The following DPY19L1 variants were observed in gnomAD, a reference collection of about 807,000 sequenced individuals.
DPY19L1 encodes the protein dpy-19 like C-mannosyltransferase 1, also known as protein C-mannosyl-transferase DPY19L1.
A neutral mutation model predicts 96.9 loss-of-function variants in DPY19L1; 35 were observed. The ratio of observed to expected loss-of-function variants is 0.36; its 90% CI spans 0.28 to 0.48. The LOEUF (loss-of-function observed/expected upper bound fraction) is 0.48, where lower values mean the gene tolerates loss of function less well. Among genes scored for constraint, DPY19L1 ranks in the 20% least tolerant of loss-of-function variants. DPY19L1 has a pLI of 0.99. For missense variants in DPY19L1, 521 were observed against 777.9 expected, an observed-to-expected ratio of 0.67 and a Z score of 3.93; for synonymous variants, 205 against 252.6, an observed-to-expected ratio of 0.81 and a Z score of 1.79.
intron 13 of DPY19L1, among the ~76,000 whole-genome samples, chr7:34,953,121 T>C (rs747322588): frequency 6.6e-6 from 1 of 152,076 alleles, no homozygotes; most frequent in Non-Finnish European, 1.5e-5. Context: ...AGAGGCACTA[T>C]CAGTAAAAGT....
chr7:34,958,118 A>C (rs760389798), intron 10 of DPY19L1, 48 bp from the exon 11 acceptor site: 4 of 1,340,960 alleles, frequency 3.0e-6, no homozygotes, highest in Non-Finnish European at 3.0e-6. Flanking sequence ...TAAAACAAAA[A>C]ACCTTTGTTT....
rs1301040464 is a variant in DPY19L1 at position 34,995,914 on chromosome 7, G to A, written c.765-5973C>T. ...AACCTTCCCCTATACTCATGGCGGCGGTGGGGGGGGCGGTGGGGGGGATTC... is the reference window on the plus strand; with the variant it reads ...AACCTTCCCCTATACTCATGGCGGCAGTGGGGGGGGCGGTGGGGGGGATTC... On this transcript the variant is annotated intron_variant, in intron 6 of 21. Coordinates refer to ENST00000638088, the MANE Select transcript of DPY19L1 (RefSeq NM_001366673.1). Among the ~76,000 whole-genome samples, 5 of 141,346 alleles carry A rather than the reference G, an allele frequency of 3.5e-5. No homozygotes were observed. In the East Asian group the frequency reaches 9.1e-4, roughly 26 times the overall value. 92.7% of individuals were successfully genotyped at this position (141,346 alleles called of 152,430 possible). A position where few individuals can be genotyped will look rare whatever the true frequency, so the allele number is the denominator to read the frequency against.
Position 34,982,778 on chromosome 7 carries a change from A to G in DPY19L1, c.822+7106T>C, listed in dbSNP as rs755731939. ...ACAGCCACCCCTCCCCCAACCTGGG[A>G]CACACACAGACATACACACACATGA... On this transcript the variant is annotated intron_variant, in intron 7 of 21. Coordinates refer to ENST00000638088, the MANE Select transcript of DPY19L1 (RefSeq NM_001366673.1). Among the ~76,000 whole-genome samples the G allele has an allele frequency of 2.6e-5, 4 of 151,778 alleles. No individual in the cohort carries two copies. In the South Asian group the frequency reaches 6.2e-4, roughly 24 times the overall value.
intron 1 of DPY19L1, among the ~76,000 whole-genome samples, chr7:35,032,010 C>G (rs535995284): frequency 6.6e-6 from 1 of 152,284 alleles, no homozygotes; most frequent in South Asian, 2.1e-4. Flanking sequence ...GGCCTGTGTC[C>G]CTGTGCCTCA....
chr7:35,018,463 T>A (rs1785912024), intron 2 of DPY19L1, 109 bp downstream of exon 2: 2 of 951,426 alleles, frequency 2.1e-6, no homozygotes, highest in Non-Finnish European at 3.3e-6. Context: ...ACATGTAATA[T>A]ATATTCATAC....
chr7:35,026,993 C>A (rs1424285799), intron 1 of DPY19L1, among the ~76,000 whole-genome samples: 1 of 151,968 alleles, frequency 6.6e-6, no homozygotes, highest in East Asian at 1.9e-4. Flanking sequence ...GTCAGGAGTT[C>A]AAGACAGCCT....
At chr7:34,950,048 T>A (rs569315327) in intron 13 of DPY19L1, 150 bp from the exon 14 acceptor site, 10 of 483,016 alleles carry the variant, frequency 2.1e-5, no homozygotes, top group Middle Eastern at 5.6e-4. Flanking sequence ...AAATGCTATA[T>A]CCTCCACCTT....
At chr7:35,022,865 C>A (rs1334370172) in intron 1 of DPY19L1, among the ~76,000 whole-genome samples, 1 of 152,198 alleles carries the variant, frequency 6.6e-6, no homozygotes, top group Non-Finnish European at 1.5e-5. Flanking sequence ...GCAGCCAGCT[C>A]CCTGCCCTCT....
intron 3 of DPY19L1, among the ~76,000 whole-genome samples, chr7:35,016,981 C>G (rs1458875881): frequency 2.0e-5 from 3 of 150,468 alleles, no homozygotes; most frequent in Non-Finnish European, 4.4e-5. Flanking sequence ...GGATCCTATT[C>G]AAACACATCA....
At chr7:34,971,388 T>C (rs1203149072) in intron 8 of DPY19L1, among the ~76,000 whole-genome samples, 5 of 152,082 alleles carry the variant, frequency 3.3e-5, no homozygotes, top group African/African-American at 1.2e-4. Flanking sequence ...CAGTCATAGA[T>C]AGCCACAGCA....
intron 12 of DPY19L1, 24 bp downstream of exon 12, chr7:34,955,284 G>A (rs1224322781): frequency 5.8e-6 from 9 of 1,555,196 alleles, no homozygotes; most frequent in Non-Finnish European, 7.9e-6. Flanking sequence ...AAAAACATAA[G>A]CATTAAAATA....
intron 7 of DPY19L1, among the ~76,000 whole-genome samples, chr7:34,978,431 C>A (rs1168429312): frequency 6.6e-6 from 1 of 152,130 alleles, no homozygotes; most frequent in African/African-American, 2.4e-5. Flanking sequence ...ACTGCTGGCA[C>A]CATGAAGGTT....
intron 1 of DPY19L1, among the ~76,000 whole-genome samples, chr7:35,035,455 A>G (rs1022204311): frequency 5.3e-5 from 8 of 152,252 alleles, no homozygotes; most frequent in South Asian, 2.1e-4. Flanking sequence ...ATAGCAATAA[A>G]TATCATTATT....
chr7:34,999,181 G>C (rs1158561700), intron 6 of DPY19L1, among the ~76,000 whole-genome samples: 2 of 152,108 alleles, frequency 1.3e-5, no homozygotes, highest in African/African-American at 4.8e-5. Flanking sequence ...CCTTTTACGG[G>C]ACTAAAGAGA....
chr7:34,941,798 CAT>C lies in DPY19L1; in HGVS notation c.1654_1655del (p.Met552ValfsTer66), dbSNP rs199625115. ...AGCAGATCAGTGATGCCATAACACA[CAT>C]GTGTGGTGTCAAGAAGAGTTTTAGT... Reference protein sequence around the residue: ...MRLKLFLTPHMCVMASLICSR... With the variant: ...MRLKLFLTPHXCVMASLICSR... On this transcript the variant is annotated frameshift_variant, in exon 18 of 22. Coordinates refer to ENST00000638088, the MANE Select transcript of DPY19L1 (RefSeq NM_001366673.1). LOFTEE classifies it high-confidence loss of function. 18 of 1,596,588 alleles carry C rather than the reference CAT, an allele frequency of 1.1e-5. No homozygotes were observed. Among genetic ancestry groups the C allele is most frequent in the Admixed American group, 7.3e-5 (4 of 55,156 alleles).
At chr7:35,009,894 A>G (rs1183337049) in intron 6 of DPY19L1, among the ~76,000 whole-genome samples, 1 of 152,180 alleles carries the variant, frequency 6.6e-6, no homozygotes, top group African/African-American at 2.4e-5. Context: ...TTCCATAACA[A>G]TATATGGAAT....
chr7:35,004,043 C>G (rs1188848390), intron 6 of DPY19L1, among the ~76,000 whole-genome samples: 1 of 152,248 alleles, frequency 6.6e-6, no homozygotes, highest in Non-Finnish European at 1.5e-5. Flanking sequence ...TGCCCCATCA[C>G]TTCAAGAACC....
intron 8 of DPY19L1, among the ~76,000 whole-genome samples, chr7:34,971,815 C>T (rs1231468927): frequency 2.0e-5 from 3 of 152,170 alleles, no homozygotes; most frequent in Non-Finnish European, 1.5e-5. Context: ...GAGGCCCCAT[C>T]CTGGTAGGCA....
chr7:34,942,522 T>C (rs989578460), intron 17 of DPY19L1, 93 bp downstream of exon 17: 56 of 1,011,906 alleles, frequency 5.5e-5, no homozygotes, highest in Admixed American at 3.2e-4. Context: ...TTGCTGACAA[T>C]TGCCAACAAA....
Sources: allele counts gnomAD v4.1 joint callset (sites outside exome capture counted in the v4.1 genomes callset), GRCh38; gene constraint gnomAD v4.1.1; transcripts MANE v1.5; gene names NCBI Gene and HGNC (gene_info 2026-07-23, HGNC 2026-07-21).